ANKRD31: variants seen among roughly 807,000 people sequenced by gnomAD.
ANKRD31 encodes the protein ankyrin repeat domain 31.
Under a neutral mutation model 186.0 loss-of-function variants are expected in ANKRD31, and 147 were observed. The observed-to-expected ratio is 0.79, with a 90% CI of 0.69 to 0.91. The LOEUF (loss-of-function observed/expected upper bound fraction) is 0.91. ANKRD31 is among the 40% of genes least tolerant of loss of function. The pLI is 0.00. For missense variants in ANKRD31, 1,986 were observed against 2,148.8 expected (o/e 0.92, Z 1.50); for synonymous variants, 673 against 736.4 (o/e 0.91, Z 1.39).
At chr5:75,083,112 T>G (rs768173547) in intron 24 of ANKRD31, among the ~76,000 whole-genome samples, 2 of 152,210 alleles carry the variant, frequency 1.3e-5, no homozygotes, top group African/African-American at 2.4e-5. Context: ...AACATGAAAT[T>G]CATTTATGTT....
intron 23 of ANKRD31, among the ~76,000 whole-genome samples, chr5:75,089,748 A>G (rs1270130656): frequency 6.6e-6 from 1 of 152,226 alleles, no homozygotes; most frequent in African/African-American, 2.4e-5. Flanking sequence ...GGAATATTTT[A>G]TATCTGATAA....
intron 10 of ANKRD31, among the ~76,000 whole-genome samples, chr5:75,186,685 GAAT>G (rs1325525803): frequency 1.3e-5 from 2 of 151,980 alleles, no homozygotes; most frequent in Non-Finnish European, 2.9e-5. Flanking sequence ...TTTGGAAAAA[GAAT>G]TATTGCTCTT....
At chr5:75,169,873 G>C (rs561086038) in intron 10 of ANKRD31, among the ~76,000 whole-genome samples, 1 of 152,170 alleles carries the variant, frequency 6.6e-6, no homozygotes, top group African/African-American at 2.4e-5. Context: ...CAACCCACCA[G>C]ATGATAGTAG....
chr5:75,214,395 A>G (rs1330889881), intron 3 of ANKRD31, among the ~76,000 whole-genome samples: 1 of 152,242 alleles, frequency 6.6e-6, no homozygotes. Flanking sequence ...CAGGAAAAGT[A>G]TACCATTGGC....
intron 8 of ANKRD31, 119 bp downstream of exon 8, chr5:75,193,192 T>TA (rs1374685009): frequency 3.3e-6 from 4 of 1,197,310 alleles, no homozygotes; most frequent in Non-Finnish European, 4.5e-6. Context: ...AGCAATAATA[T>TA]AAAAAATAAA....
intron 23 of ANKRD31, among the ~76,000 whole-genome samples, chr5:75,090,155 A>G (rs1360299517): frequency 1.3e-5 from 2 of 152,238 alleles, no homozygotes; most frequent in African/African-American, 4.8e-5. Context: ...GATGCTAATT[A>G]CTAACATTTA....
At chr5:75,139,884 G>A (rs957384782) in intron 15 of ANKRD31, among the ~76,000 whole-genome samples, 1 of 152,032 alleles carries the variant, frequency 6.6e-6, no homozygotes, top group Admixed American at 6.6e-5. Context: ...AGAAAAGTTG[G>A]GACTCCAAGT....
chr5:75,186,061 A>G (rs1754691125), intron 10 of ANKRD31, among the ~76,000 whole-genome samples: 1 of 152,190 alleles, frequency 6.6e-6, no homozygotes, highest in Non-Finnish European at 1.5e-5. Flanking sequence ...ATCGCTACAG[A>G]TTACAGAAAG....
chr5:75,077,931 C>CAAAA (rs56910458), intron 25 of ANKRD31, among the ~76,000 whole-genome samples: 23 of 66,692 alleles, frequency 3.4e-4, no homozygotes, highest in African/African-American at 8.0e-4. Context: ...GACTCCGTCT[C>CAAAA]AAAAAAAAAA....
chr5:75,131,065 G>A (rs1330144461), intron 17 of ANKRD31, among the ~76,000 whole-genome samples: 1 of 149,510 alleles, frequency 6.7e-6, no homozygotes, highest in African/African-American at 2.5e-5. Flanking sequence ...CTGGCTGGCT[G>A]TGCCAAGTGC....
At position 75,146,628 on chromosome 5, in the gene ANKRD31, T is replaced by C. The variant is rs1187912967; in HGVS notation, c.2783A>G (p.Tyr928Cys). The C allele has an allele frequency of 1.4e-5, 21 of 1,535,588 alleles. No homozygotes were observed. Among genetic ancestry groups the C allele is most frequent in the Non-Finnish European group, 7.0e-6 (8 of 1,146,174 alleles). ...ATTTGTTAAATTCTCCTTAAAATTA[T>C]AGTGTTTTTTGCCACCTGTAGAACA... ...VLCSTGGKKH[Y>C]NFKENLTNKK... The change falls in exon 14 of 26, where the codon TAT (tyrosine) becomes TGT (cysteine). Residue 928 changes from tyrosine to cysteine, a missense_variant. Coordinates refer to ENST00000506364, the MANE Select transcript of ANKRD31 (RefSeq NM_001372053.1).
intron 2 of ANKRD31, among the ~76,000 whole-genome samples, chr5:75,228,907 A>C (rs941801253): frequency 6.6e-6 from 1 of 152,226 alleles, no homozygotes; most frequent in African/African-American, 2.4e-5. Flanking sequence ...AATGCATTCC[A>C]AGATGAAACT....
intron 6 of ANKRD31, 96 bp from the exon 7 acceptor site, chr5:75,196,296 G>A: frequency 2.0e-6 from 2 of 998,120 alleles, no homozygotes; most frequent in Non-Finnish European, 2.7e-6. Context: ...TTGTTTGTAA[G>A]CTACCCTCAA....
intron 3 of ANKRD31, among the ~76,000 whole-genome samples, chr5:75,211,076 C>T (rs537023009): frequency 6.6e-6 from 1 of 152,206 alleles, no homozygotes; most frequent in Non-Finnish European, 1.5e-5. Context: ...CACTGTTGTA[C>T]AACCAAGACC....
At chr5:75,121,376 C>T (rs141921615) in intron 17 of ANKRD31, among the ~76,000 whole-genome samples, 13 of 152,122 alleles carry the variant, frequency 8.5e-5, no homozygotes, top group South Asian at 4.2e-4. Context: ...CTTGAACATC[C>T]GAGTCACAGC....
At chr5:75,225,093 G>A (rs757384154) in intron 2 of ANKRD31, among the ~76,000 whole-genome samples, 14 of 152,146 alleles carry the variant, frequency 9.2e-5, no homozygotes, top group South Asian at 2.1e-4. Flanking sequence ...TATTTGCTGC[G>A]TTGGTTGTAG....
At chr5:75,079,951 A>G (rs1172189087) in intron 25 of ANKRD31, among the ~76,000 whole-genome samples, 1 of 151,990 alleles carries the variant, frequency 6.6e-6, no homozygotes, top group Non-Finnish European at 1.5e-5. Flanking sequence ...AAAAAAAATT[A>G]GCTGGGCATG....
chr5:75,140,559 CTCT>C (rs1750979686), intron 15 of ANKRD31, among the ~76,000 whole-genome samples: 1 of 152,148 alleles, frequency 6.6e-6, no homozygotes, highest in African/African-American at 2.4e-5. Context: ...ACTTTGTGTA[CTCT>C]TCTTCTCTTG....
chr5:75,211,963 CA>C (rs1756678630), intron 3 of ANKRD31, among the ~76,000 whole-genome samples: 1 of 152,038 alleles, frequency 6.6e-6, no homozygotes, highest in African/African-American at 2.4e-5. Context: ...CTTTGACGCT[CA>C]AAAGTTTTTA....
Sources: allele counts gnomAD v4.1 joint callset (sites outside exome capture counted in the v4.1 genomes callset), GRCh38; gene constraint gnomAD v4.1.1; transcripts MANE v1.5; gene names NCBI Gene and HGNC (gene_info 2026-07-23, HGNC 2026-07-21).